ASIC2: variants seen among roughly 807,000 people sequenced by gnomAD.
ASIC2 encodes the protein acid sensing ion channel subunit 2.
Under a neutral mutation model 57.3 loss-of-function variants are expected in ASIC2, and 25 were observed. The ratio of observed to expected loss-of-function variants is 0.44; its 90% CI spans 0.32 to 0.61. The LOEUF is 0.61. Ranked by LOEUF, ASIC2 falls within the 20% of genes least tolerant of loss-of-function variation. The pLI is 0.06. For synonymous variants in ASIC2, 319 were observed against 307.5 expected (o/e 1.04, Z -0.39); for missense variants, 641 against 738.1 (o/e 0.87, Z 1.52).
At chr17:33,027,625 T>C (rs2091864558) in intron 4 of ASIC2, among the ~76,000 whole-genome samples, 1 of 152,236 alleles carries the variant, frequency 6.6e-6, no homozygotes, top group African/African-American at 2.4e-5. Flanking sequence ...GGTCATACAG[T>C]AAATGAGTGG....
intron 1 of ASIC2, among the ~76,000 whole-genome samples, chr17:33,784,490 C>A (rs1317447952): frequency 1.3e-5 from 2 of 152,104 alleles, no homozygotes; most frequent in African/African-American, 4.8e-5. Context: ...TAGAAATATT[C>A]TCTGAGCTAC....
chr17:33,994,457 C>A (rs1478311778), intron 1 of ASIC2, among the ~76,000 whole-genome samples: 1 of 152,210 alleles, frequency 6.6e-6, no homozygotes, highest in Non-Finnish European at 1.5e-5. Context: ...GACCACTCCT[C>A]TGTGGGTCCC....
At chr17:33,150,248 A>G (rs987231551) in intron 1 of ASIC2, among the ~76,000 whole-genome samples, 6 of 152,226 alleles carry the variant, frequency 3.9e-5, no homozygotes, top group Admixed American at 6.5e-5. Flanking sequence ...AGTGATGACA[A>G]TTGAAGACAA....
chr17:33,452,118 A>G, intron 1 of ASIC2, among the ~76,000 whole-genome samples: 1 of 152,242 alleles, frequency 6.6e-6, no homozygotes, highest in Admixed American at 6.5e-5. Flanking sequence ...ATTAAAAGCA[A>G]AAAAGCACTG....
At chr17:33,753,150 T>C (rs1216247676) in intron 1 of ASIC2, among the ~76,000 whole-genome samples, 3 of 152,202 alleles carry the variant, frequency 2.0e-5, no homozygotes, top group Non-Finnish European at 4.4e-5. Flanking sequence ...TGTCAAGCCA[T>C]AGAAAGACAT....
At chr17:33,761,524 T>C (rs957807873) in intron 1 of ASIC2, among the ~76,000 whole-genome samples, 27 of 152,252 alleles carry the variant, frequency 1.8e-4, no homozygotes, top group African/African-American at 6.3e-4. Flanking sequence ...TGGAAAAATA[T>C]TCCAGTCCCA....
chr17:33,699,924 C>A (rs1348636410), intron 1 of ASIC2, among the ~76,000 whole-genome samples: 1 of 152,070 alleles, frequency 6.6e-6, no homozygotes, highest in Non-Finnish European at 1.5e-5. Flanking sequence ...AGCAAGTTAG[C>A]CAATTACATA....
At chr17:33,423,915 T>C (rs1166506597) in intron 1 of ASIC2, among the ~76,000 whole-genome samples, 3 of 152,240 alleles carry the variant, frequency 2.0e-5, no homozygotes, top group Admixed American at 6.5e-5. Flanking sequence ...AATGTACCAG[T>C]TGCTGTGTGG....
intron 1 of ASIC2, among the ~76,000 whole-genome samples, chr17:33,264,877 C>A (rs1437679241): frequency 6.6e-6 from 1 of 152,234 alleles, no homozygotes; most frequent in Non-Finnish European, 1.5e-5. Context: ...TGAACTGAAT[C>A]AGAACCACAT....
At chr17:33,426,567 G>C (rs1301509325) in intron 1 of ASIC2, among the ~76,000 whole-genome samples, 1 of 152,160 alleles carries the variant, frequency 6.6e-6, no homozygotes, top group Non-Finnish European at 1.5e-5. Context: ...GGCATGAGTG[G>C]GGATTCTGAA....
Position 33,291,705 on chromosome 17 carries a change from G to T in ASIC2, c.411C>A (p.Asn137Lys). 6.2e-7 allele frequency: 1 copy of T among 1,613,670 alleles called. No individual in the cohort carries two copies. Among genetic ancestry groups the T allele is most frequent in the Non-Finnish European group, 8.5e-7 (1 of 1,179,896 alleles). The change falls in exon 1 of 10, where the codon AAC becomes AAA. Residue 137 changes from asparagine (N) to lysine (K), a missense_variant. Physicochemically the swap from Asn to Lys is moderately conservative, Grantham distance 94. Transcript: ENST00000225823. ...GGCGCGGGAAGCGCAGCGGGTTGTT[G>T]TTGCACACAGTGACGGCGGGGAAGG... ...QLPFPAVTVC[N>K]NNPLRFPRLS...
At chr17:33,959,942 G>T (rs925995615) in intron 1 of ASIC2, among the ~76,000 whole-genome samples, 3 of 152,246 alleles carry the variant, frequency 2.0e-5, no homozygotes, top group African/African-American at 7.2e-5. Flanking sequence ...AGAGCCCAAT[G>T]TCTCCTTTTT....
chr17:33,920,436 C>T lies in ASIC2; in HGVS notation c.555+235542G>A, dbSNP rs150309494. Among the ~76,000 whole-genome samples, 50 of 152,170 alleles carry T rather than the reference C, an allele frequency of 3.3e-4. 1 individual carries two copies. Among genetic ancestry groups the T allele is most frequent in the African/African-American group, 1.1e-3 (45 of 41,520 alleles). On this transcript the variant is annotated intron_variant, in intron 1 of 9. Coordinates refer to the ASIC2 transcript ENST00000359872. ...ATGGATGCAGGTGGAGGCCATTATC[C>T]GAAGTGAATTAATGTAGGAACAGAA...
chr17:33,501,486 G>A (rs939128806), intron 1 of ASIC2, among the ~76,000 whole-genome samples: 3 of 152,176 alleles, frequency 2.0e-5, no homozygotes, highest in Non-Finnish European at 2.9e-5. Context: ...AAAACAACTC[G>A]CTTGAAGTCA....
intron 1 of ASIC2, among the ~76,000 whole-genome samples, chr17:33,701,900 T>C (rs1157942896): frequency 6.6e-6 from 1 of 152,222 alleles, no homozygotes; most frequent in African/African-American, 2.4e-5. Flanking sequence ...ATGTATTTCA[T>C]TGTCGGTACT....
intron 1 of ASIC2, among the ~76,000 whole-genome samples, chr17:33,811,083 C>A (rs1435848332): frequency 2.6e-5 from 4 of 152,218 alleles, no homozygotes; most frequent in Admixed American, 6.5e-5. Context: ...TCACAGGACA[C>A]TATTTTTCAG....
chr17:33,076,376 T>A lies in ASIC2; in HGVS notation c.987+12487A>T, dbSNP rs145962876. ...ACCCCTCCTCCTTTATGTGAGCCTG[T>A]CTGTCTATTAGGAGTCGGGTCCAAA... is the stretch of plus-strand genomic sequence containing the variant. On this transcript the variant is annotated intron_variant, in intron 3 of 9. Transcript: ENST00000225823. 4.4e-3 allele frequency among the ~76,000 whole-genome samples: 668 copies of A among 152,364 alleles called. 3 individuals are homozygous for A. Among genetic ancestry groups the A allele is most frequent in the South Asian group, 0.017 (80 of 4,824 alleles).
At chr17:33,571,403 C>T (rs541855678) in intron 1 of ASIC2, among the ~76,000 whole-genome samples, 1 of 152,282 alleles carries the variant, frequency 6.6e-6, no homozygotes, top group East Asian at 1.9e-4. Context: ...TTGTTTTGTT[C>T]ACTGATTAAT....
chr17:33,095,957 G>A (rs983806243), intron 2 of ASIC2, among the ~76,000 whole-genome samples: 5 of 152,242 alleles, frequency 3.3e-5, no homozygotes, highest in South Asian at 2.1e-4. Context: ...TGGCCCATCA[G>A]CAGCTGGGCC....
Sources: gnomAD v4.1 joint callset for allele counts (sites outside exome capture counted in the v4.1 genomes callset) on GRCh38, gnomAD v4.1.1 for gene constraint, MANE v1.5 for transcripts, NCBI Gene and HGNC (gene_info 2026-07-23, HGNC 2026-07-21) for gene names.